WASHC4: variants seen among roughly 807,000 people sequenced by gnomAD.
WASHC4 encodes WASH complex subunit 7.
WASHC4 carries 86 observed loss-of-function variants against 166.6 expected under a neutral mutation model. The observed-to-expected ratio is 0.52, with a 90% confidence interval of 0.43 to 0.62. The LOEUF is 0.62. WASHC4 is among the 20% of genes least tolerant of loss of function. WASHC4 has a pLI of 0.00. For synonymous variants in WASHC4, 446 were observed against 451.6 expected (o/e 0.99, Z 0.16); for missense variants, 1,262 against 1,382.4 (o/e 0.91, Z 1.38).
chr12:105,154,390 T>C (rs1883991989), intron 26 of WASHC4, among the ~76,000 whole-genome samples: 1 of 152,170 alleles, frequency 6.6e-6, no homozygotes, highest in African/African-American at 2.4e-5. Flanking sequence ...CTGATAAATA[T>C]CTTGAGAAAA....
At position 105,118,437 on chromosome 12, in the gene WASHC4, T is replaced by C; in HGVS notation, c.436-9T>C. ...AACTTTATAATATATACCCACCTTC[T>C]CGTTTCAGGAACTGTCTTGCTTTGT... On this transcript the variant is annotated splice_polypyrimidine_tract_variant and intron_variant, in intron 6 of 32. Transcript: ENST00000332180. The C allele has an allele frequency of 6.2e-7, 1 of 1,600,954 alleles. No individual in the cohort carries two copies. The highest frequency in any genetic ancestry group is 8.6e-7 in the Non-Finnish European group (1 of 1,167,950).
chr12:105,156,801 G>A lies in WASHC4; in HGVS notation c.2825+9G>A, dbSNP rs569462618. On this transcript the variant is annotated intron_variant, in intron 27 of 32. Coordinates refer to ENST00000332180, the MANE Select transcript of WASHC4 (RefSeq NM_015275.3). ...AGCAGCAATGCCATTAGGTATGGAT[G>A]CAAACATCATTTTTGCCTTGTTTAT... 1.4e-5 allele frequency: 22 copies of A among 1,606,582 alleles called. No individual in the cohort carries two copies. Among genetic ancestry groups the A allele is most frequent in the Non-Finnish European group, 1.8e-5 (21 of 1,173,832 alleles).
At chr12:105,154,944 A>G (rs894236975) in intron 26 of WASHC4, among the ~76,000 whole-genome samples, 2 of 152,224 alleles carry the variant, frequency 1.3e-5, no homozygotes, top group Non-Finnish European at 2.9e-5. Context: ...CTTAAAATAG[A>G]TTCAATGTTA....
intron 21 of WASHC4, 37 bp downstream of exon 21, chr12:105,144,492 C>CTTTTTTTT (rs370837338): frequency 1.5e-6 from 2 of 1,339,220 alleles, no homozygotes; most frequent in Non-Finnish European, 1.0e-6. Context: ...GTCATATTCT[C>CTTTTTTTT]TTTTTTTTTT....
At chr12:105,148,937 C>T (rs1883519180) in intron 24 of WASHC4, 1 of 985,106 alleles carries the variant, frequency 1.0e-6, no homozygotes, top group African/African-American at 1.7e-5. Context: ...TTAGGATTTT[C>T]TGAGTCAAGG....
At position 105,126,269 on chromosome 12, in the gene WASHC4, T is replaced by C; in HGVS notation, c.945T>C (p.Tyr315=). The C allele has an allele frequency of 6.2e-7, 1 of 1,612,190 alleles. No homozygotes were observed. The highest frequency in any genetic ancestry group is 8.5e-7 in the Non-Finnish European group (1 of 1,178,652). The part of the protein sequence containing the change: ...EPSEIDQRDK[Y]VGICGLFVLH... The stretch of plus-strand genomic sequence containing the variant: ...CTGAAATTGACCAGAGAGACAAGTA[T>C]GTTGGAATTTGTGGACTCTTTGTAT... Residue 315 remains tyrosine, a synonymous_variant, in exon 12 of 33, where the codon TAT becomes TAC. Coordinates refer to ENST00000332180, the MANE Select transcript of WASHC4 (RefSeq NM_015275.3).
intron 10 of WASHC4, among the ~76,000 whole-genome samples, chr12:105,124,459 C>A (rs1378165248): frequency 1.3e-5 from 2 of 151,472 alleles, no homozygotes; most frequent in African/African-American, 4.9e-5. Context: ...TTGCTGTTAA[C>A]CTCTAGGTTT....
rs1038782714 is a variant in WASHC4, at chr12:105,110,164, G to C, written c.62-961G>C. Among the ~76,000 whole-genome samples the C allele has an allele frequency of 3.9e-5, 6 of 152,246 alleles. 1 individual carries two copies. The highest frequency in any genetic ancestry group is 6.5e-5 in the Admixed American group (1 of 15,292). ...CCTTAATGAACTAAATGGATTCACCGGATTTAAAACTTTATGTGGTTGAAG... is the reference window on the plus strand; with the variant it reads ...CCTTAATGAACTAAATGGATTCACCCGATTTAAAACTTTATGTGGTTGAAG... On this transcript the variant is annotated intron_variant, in intron 1 of 32. Coordinates refer to ENST00000332180, the MANE Select transcript of WASHC4 (RefSeq NM_015275.3).
intron 13 of WASHC4, among the ~76,000 whole-genome samples, chr12:105,131,174 C>G (rs1881781859): frequency 6.6e-6 from 1 of 150,974 alleles, no homozygotes; most frequent in Non-Finnish European, 1.5e-5. Flanking sequence ...GCAAGCTCCG[C>G]TTCCCGGGTT....
intron 25 of WASHC4, among the ~76,000 whole-genome samples, chr12:105,150,852 G>A (rs1883700350): frequency 7.3e-6 from 1 of 136,496 alleles, no homozygotes; most frequent in South Asian, 2.6e-4. Context: ...GAAAGAATGA[G>A]TGCCCAGCGA....
At chr12:105,134,064 C>T (rs1045327765) in intron 14 of WASHC4, among the ~76,000 whole-genome samples, 168 bp downstream of exon 14, 5 of 152,076 alleles carry the variant, frequency 3.3e-5, no homozygotes, top group Non-Finnish European at 7.4e-5. Context: ...TCTAACAACC[C>T]ATTCAAAGCT....
At chr12:105,141,573 C>G (rs1324261546) in intron 18 of WASHC4, among the ~76,000 whole-genome samples, 1 of 152,158 alleles carries the variant, frequency 6.6e-6, no homozygotes, top group Non-Finnish European at 1.5e-5. Context: ...AACAGGGCTT[C>G]CTCTATTTGT....
In WASHC4 at chr12:105,127,144, C is replaced by CT; in HGVS notation, c.1055dup (p.Thr353AsnfsTer3). The stretch of plus-strand genomic sequence containing the variant: ...TCTGTTTCAGGTACCAGCCATCACT[C>CT]TAACTGCTAATATTATTTGGTTTCC... On this transcript the variant is annotated frameshift_variant, in exon 13 of 33. Coordinates refer to ENST00000332180, the MANE Select transcript of WASHC4 (RefSeq NM_015275.3). LOFTEE classifies it high-confidence loss of function. 1 of 1,613,062 alleles carries CT rather than the reference C, an allele frequency of 6.2e-7. No individual in the cohort carries two copies. Among genetic ancestry groups the CT allele is most frequent in the Non-Finnish European group, 8.5e-7 (1 of 1,179,232 alleles).
At chr12:105,156,644 T>C in intron 26 of WASHC4, 82 bp from the exon 27 acceptor site, 1 of 1,176,452 alleles carries the variant, frequency 8.5e-7, no homozygotes, top group Non-Finnish European at 1.2e-6. Flanking sequence ...AACCTTGTAA[T>C]TTACTACTGT....
At chr12:105,139,664 C>T (rs1170475299) in intron 15 of WASHC4, among the ~76,000 whole-genome samples, 1 of 151,432 alleles carries the variant, frequency 6.6e-6, no homozygotes, top group African/African-American at 2.4e-5. Flanking sequence ...TGTGAAAAAT[C>T]TGTTCATGTC....
chr12:105,141,137 T>C, intron 17 of WASHC4, 30 bp from the exon 18 acceptor site: 1 of 1,609,904 alleles, frequency 6.2e-7, no homozygotes, highest in Non-Finnish European at 8.5e-7. Flanking sequence ...TGACTGCAAC[T>C]TCTCTGCCTT....
chr12:105,156,271 G>A (rs530189407), intron 26 of WASHC4, among the ~76,000 whole-genome samples: 17 of 152,164 alleles, frequency 1.1e-4, no homozygotes, highest in Non-Finnish European at 1.9e-4. Flanking sequence ...ACATAAAAGT[G>A]TAGGCATCGG....
At chr12:105,115,000 G>T (rs553459302) in intron 4 of WASHC4, among the ~76,000 whole-genome samples, 184 bp from the exon 5 acceptor site, 1 of 151,872 alleles carries the variant, frequency 6.6e-6, no homozygotes, top group African/African-American at 2.4e-5. Flanking sequence ...ACAGCTTTGA[G>T]TATCAGTAAT....
intron 7 of WASHC4, among the ~76,000 whole-genome samples, chr12:105,120,077 A>AAAAAC (rs1363765831): frequency 1.3e-5 from 2 of 152,346 alleles, no homozygotes; most frequent in South Asian, 2.1e-4. Flanking sequence ...CACAAAAAGG[A>AAAAAC]AAAACAAAAC....
Sources: allele counts gnomAD v4.1 joint callset (sites outside exome capture counted in the v4.1 genomes callset), GRCh38; gene constraint gnomAD v4.1.1; transcripts MANE v1.5; gene names NCBI Gene and HGNC (gene_info 2026-07-23, HGNC 2026-07-21).